Variants in CERS4 observed in about 807,000 individuals in gnomAD.
The protein encoded by CERS4 is LAG1 homolog, ceramide synthase 4.
Under a neutral mutation model 51.8 loss-of-function variants are expected in CERS4, and 65 were observed. That is an observed-to-expected ratio of 1.26 (90% CI 1.03 to 1.54). The LOEUF (loss-of-function observed/expected upper bound fraction) is 1.54. Ranked by LOEUF, CERS4 falls within the 40% of genes most tolerant of loss-of-function variation. The pLI is 0.00. For synonymous variants in CERS4, 228 were observed against 208.4 expected (o/e 1.09, Z -0.81); for missense variants, 563 against 500.4 (o/e 1.13, Z -1.19).
In CERS4 at chr19:8,257,837, G is replaced by T. The variant is rs892640326; in HGVS notation, c.742-42G>T. 2.0e-6 allele frequency: 3 copies of T among 1,508,006 alleles called. No individual in the cohort carries two copies. The African/African-American group carries it at 4.1e-5, about 21-fold the overall frequency. The allele number at this position is 1,508,006 out of a possible 1,614,324, so 93.4% of individuals were successfully genotyped here. A position where few individuals can be genotyped will look rare whatever the true frequency, so the allele number is the denominator to read the frequency against. On this transcript the variant is annotated intron_variant, in intron 9 of 11. Coordinates refer to ENST00000251363, the MANE Select transcript of CERS4 (RefSeq NM_024552.3). ...TATAGCACCTTCTCTTTGAGACCAG[G>T]GCCCTGGTCCTGAGCCCATTTCTCC... is the stretch of plus-strand genomic sequence containing the variant.
intron 10 of CERS4, among the ~76,000 whole-genome samples, chr19:8,258,976 ACAC>A (rs967061727): frequency 2.1e-4 from 32 of 151,312 alleles, no homozygotes; most frequent in African/African-American, 6.6e-4. Flanking sequence ...TCTACTGAAA[ACAC>A]AATAATTAGC....
Position 8,255,132 on chromosome 19 carries a change from G to A in CERS4, c.292-475G>A, listed in dbSNP as rs181947743. ...GTCTGTGCTGTGGAGGCGTGGCTGCGTCCTGAGTGGGGTGGGGAATGGTGA... is the reference window on the plus strand; with the variant it reads ...GTCTGTGCTGTGGAGGCGTGGCTGCATCCTGAGTGGGGTGGGGAATGGTGA... On this transcript the variant is annotated intron_variant, in intron 4 of 11. Coordinates refer to ENST00000251363, the MANE Select transcript of CERS4 (RefSeq NM_024552.3). Among the ~76,000 whole-genome samples the A allele has an allele frequency of 4.4e-3, 672 of 152,198 alleles. 8 individuals carry two copies. The highest frequency in any genetic ancestry group is 0.016 in the African/African-American group (645 of 41,506).
At chr19:8,244,289 G>A (rs975556695) in intron 2 of CERS4, among the ~76,000 whole-genome samples, 2 of 152,174 alleles carry the variant, frequency 1.3e-5, no homozygotes, top group African/African-American at 2.4e-5. Flanking sequence ...CCAGGAGATC[G>A]AGGCTGCAGT....
At chr19:8,253,288 T>C (rs992572554) in intron 3 of CERS4, among the ~76,000 whole-genome samples, 18 of 151,890 alleles carry the variant, frequency 1.2e-4, no homozygotes, top group African/African-American at 4.4e-4. Flanking sequence ...CCCCTGCCCA[T>C]GGGGAGCCCC....
intron 2 of CERS4, among the ~76,000 whole-genome samples, chr19:8,221,724 G>A (rs1181675518): frequency 6.6e-6 from 1 of 150,530 alleles, no homozygotes. Context: ...TAGTAGAGAC[G>A]AGGCTTCACC....
At chr19:8,261,887 CT>C (rs1163173822) in intron 11 of CERS4, 42 bp from the exon 12 acceptor site, 2 of 1,613,062 alleles carry the variant, frequency 1.2e-6, no homozygotes, top group Non-Finnish European at 8.5e-7. Context: ...TAAGCTCCTC[CT>C]TCCTCCCTGC....
chr19:8,251,239 G>A lies in CERS4; in HGVS notation c.163G>A (p.Ala55Thr). 3 of 1,602,800 alleles carry A rather than the reference G, an allele frequency of 1.9e-6. No individual in the cohort carries two copies. The highest frequency in any genetic ancestry group is 2.2e-5 in the East Asian group (1 of 44,588). ...GCTGGTCCTCCTGGCCATGCGCCTT[G>A]CCTTTGAGAGGTGAGTGTCTGCCCT... ...LALVLLAMRL[A>T]FERFIGLPLS... Residue 55 changes from alanine to threonine, a missense_variant, in exon 3 of 12, where the codon GCC becomes ACC. By Grantham distance (58) the Ala-to-Thr change is moderately conservative. Coordinates refer to ENST00000251363, the MANE Select transcript of CERS4 (RefSeq NM_024552.3).
chr19:8,213,598 G>A (rs1168456623), intron 2 of CERS4, among the ~76,000 whole-genome samples: 2 of 152,136 alleles, frequency 1.3e-5, no homozygotes, highest in African/African-American at 2.4e-5. Context: ...ATGAGCCACT[G>A]TGCCTGGCCA....
intron 2 of CERS4, among the ~76,000 whole-genome samples, chr19:8,236,310 A>G (rs1011097679): frequency 1.3e-5 from 2 of 152,202 alleles, no homozygotes; most frequent in Non-Finnish European, 2.9e-5. Flanking sequence ...GTTTCCTAAC[A>G]TGACATATGC....
chr19:8,260,369 A>ATT (rs57861384), intron 10 of CERS4, among the ~76,000 whole-genome samples: 7,095 of 138,966 alleles, frequency 0.051, 258 homozygotes, highest in Middle Eastern at 0.077. Context: ...TAATTTTTGT[A>ATT]TTTTTTTTTT....
At chr19:8,221,312 C>T (rs1967530635) in intron 2 of CERS4, among the ~76,000 whole-genome samples, 1 of 152,018 alleles carries the variant, frequency 6.6e-6, no homozygotes, top group Admixed American at 6.6e-5. Flanking sequence ...CACTTGGTAA[C>T]CTCCCCTTGA....
At chr19:8,253,341 A>G (rs1425525195) in intron 3 of CERS4, among the ~76,000 whole-genome samples, 1 of 152,144 alleles carries the variant, frequency 6.6e-6, no homozygotes, top group Non-Finnish European at 1.5e-5. Context: ...CCACAGTGAG[A>G]CAGGCAGTGA....
At chr19:8,243,026 C>G (rs1393226887) in intron 2 of CERS4, among the ~76,000 whole-genome samples, 1 of 151,674 alleles carries the variant, frequency 6.6e-6, no homozygotes, top group Non-Finnish European at 1.5e-5. Flanking sequence ...CCCCTTCCAT[C>G]TGCACCTTGG....
chr19:8,237,713 T>A (rs1415605823), intron 2 of CERS4, among the ~76,000 whole-genome samples: 1 of 151,816 alleles, frequency 6.6e-6, no homozygotes, highest in African/African-American at 2.4e-5. Context: ...TAGCCGGGCG[T>A]GGTGGTGGGC....
At chr19:8,238,959 G>T (rs1266823867) in intron 2 of CERS4, among the ~76,000 whole-genome samples, 1 of 151,946 alleles carries the variant, frequency 6.6e-6, no homozygotes, top group East Asian at 1.9e-4. Context: ...AAATTAGCTG[G>T]GTGTGGTGGC....
intron 2 of CERS4, among the ~76,000 whole-genome samples, chr19:8,219,337 C>T (rs1350580843): frequency 1.3e-4 from 20 of 152,174 alleles, no homozygotes; most frequent in Admixed American, 1.3e-3. Context: ...TCCTCTGAGA[C>T]CCAGGCAGGA....
chr19:8,248,732 G>A (rs988117641), intron 2 of CERS4, among the ~76,000 whole-genome samples: 1 of 151,728 alleles, frequency 6.6e-6, no homozygotes, highest in Non-Finnish European at 1.5e-5. Context: ...ACAGATGGAC[G>A]ATAGGTGGAT....
At chr19:8,216,738 G>A (rs1967315231) in intron 2 of CERS4, among the ~76,000 whole-genome samples, 1 of 152,128 alleles carries the variant, frequency 6.6e-6, no homozygotes, top group African/African-American at 2.4e-5. Flanking sequence ...TAGTTGGTAT[G>A]CAGTGGGCAC....
intron 5 of CERS4, 47 bp downstream of exon 5, chr19:8,255,772 TG>T: frequency 7.9e-7 from 1 of 1,259,658 alleles, no homozygotes; most frequent in Non-Finnish European, 1.1e-6. Context: ...CGGGCCGGGG[TG>T]GGGCGGGGCG....
Sources: gnomAD v4.1 joint callset for allele counts (sites outside exome capture counted in the v4.1 genomes callset) on GRCh38, gnomAD v4.1.1 for gene constraint, MANE v1.5 for transcripts, NCBI Gene and HGNC (gene_info 2026-07-23, HGNC 2026-07-21) for gene names.